Variants in TKFC observed in about 807,000 individuals in gnomAD.
TKFC encodes the protein triokinase/FMN cyclase.
TKFC carries 46 observed loss-of-function variants against 61.0 expected under a neutral mutation model. That is an observed-to-expected ratio of 0.75 (90% CI 0.60 to 0.96). The LOEUF (loss-of-function observed/expected upper bound fraction) is 0.96, where lower values mean the gene tolerates loss of function less well. Among genes scored for constraint, TKFC ranks in the 50% least tolerant of loss-of-function variants. The pLI is 0.00. For synonymous variants in TKFC, 314 were observed against 330.1 expected, an observed-to-expected ratio of 0.95 and a Z score of 0.53; for missense variants, 715 against 777.5, an observed-to-expected ratio of 0.92 and a Z score of 0.96.
At chr11:61,350,794 G>T, downstream of TKFC, 1 of 710,906 alleles carries the variant, frequency 1.4e-6, no homozygotes, top group Non-Finnish European at 2.2e-6. Context: ...ACAGACTGGG[G>T]AGTCCCAGCA....
intron 6 of TKFC, 30 bp downstream of exon 6, chr11:61,341,544 G>C (rs1385561782): frequency 5.2e-6 from 8 of 1,552,312 alleles, no homozygotes; most frequent in Admixed American, 3.9e-5. Context: ...CTGGGGAAGA[G>C]AGTGGGGAAG....
chr11:61,345,856 G>A lies in TKFC; in HGVS notation c.1486-1G>A. 1.2e-6 allele frequency: 2 copies of A among 1,614,170 alleles called. No individual in the cohort carries two copies. The highest frequency in any genetic ancestry group is 2.2e-5 in the South Asian group (2 of 91,084). On this transcript the variant is annotated splice_acceptor_variant, in intron 16 of 17. Coordinates refer to ENST00000394900, the MANE Select transcript of TKFC (RefSeq NM_015533.4). LOFTEE classifies it high-confidence loss of function. The stretch of plus-strand genomic sequence containing the variant: ...AGCCCCCTTTCCTTCACCTTGTCCA[G>A]CTGGATTCTCTGTGGGCAGCGGGGC...
chr11:61,345,627 G>C, intron 15 of TKFC, 62 bp downstream of exon 15: 1 of 1,612,466 alleles, frequency 6.2e-7, no homozygotes. Flanking sequence ...GGTGACATCT[G>C]CGCCCTGCCA....
intron 5 of TKFC, among the ~76,000 whole-genome samples, chr11:61,341,005 G>A (rs189406444): frequency 2.6e-5 from 4 of 152,094 alleles, no homozygotes; most frequent in Admixed American, 6.6e-5. Context: ...CTGTGACTTA[G>A]TCGCCTTTTT....
chr11:61,347,490 A>G lies in TKFC; in HGVS notation c.*987A>G. 1 of 983,964 alleles carries G rather than the reference A, an allele frequency of 1.0e-6. No individual in the cohort carries two copies. The allele number at this position is 983,964 out of a possible 1,614,324, so 61.0% of individuals were successfully genotyped here. A position where few individuals can be genotyped will look rare whatever the true frequency, so the allele number is the denominator to read the frequency against. ...GGAGGTCGAGGCTGCGGTGAGCCAT[A>G]AGCATGCCACTATACTCCAGCCTGG... On this transcript the variant is annotated 3_prime_UTR_variant, in exon 18 of 18. Coordinates refer to ENST00000394900, the MANE Select transcript of TKFC (RefSeq NM_015533.4).
chr11:61,343,276 T>C, intron 10 of TKFC, 66 bp from the exon 11 acceptor site: 1 of 1,467,982 alleles, frequency 6.8e-7, no homozygotes, highest in South Asian at 1.2e-5. Flanking sequence ...GGTCCTTGCT[T>C]TTCTGTTGTT....
Position 61,343,454 on chromosome 11 carries a change from G to C in TKFC, c.978G>C (p.Leu326=). The C allele has an allele frequency of 6.2e-7, 1 of 1,613,854 alleles. No homozygotes were observed. Among genetic ancestry groups the C allele is most frequent in the Non-Finnish European group, 8.5e-7 (1 of 1,179,752 alleles). Residue 326 remains leucine (L), a synonymous_variant, in exon 11 of 18, where the codon CTG becomes CTC. Coordinates refer to ENST00000394900, the MANE Select transcript of TKFC (RefSeq NM_015533.4). ...LLLVDEPLLK[L]IDAETTAAAW... ...TGGTGGATGAGCCTCTCCTGAAACT[G>C]ATAGGTGAGACTTGGAACCTGGGGT...
At chr11:61,351,158 CA>C (rs780988629), downstream of TKFC, 1 of 1,605,114 alleles carries the variant, frequency 6.2e-7, no homozygotes, top group Non-Finnish European at 8.5e-7. Context: ...CTGAAGATGA[CA>C]AAACAATGTG....
chr11:61,345,213 A>T (rs755707415), intron 13 of TKFC, 47 bp from the exon 14 acceptor site: 2 of 1,464,534 alleles, frequency 1.4e-6, no homozygotes, highest in East Asian at 2.3e-5. Context: ...AGTCTGGCAG[A>T]TGGAGGGAGG....
downstream of TKFC, chr11:61,352,827 A>G (rs150158970): frequency 1.6e-3 from 2,284 of 1,461,878 alleles, 6 homozygotes; most frequent in Admixed American, 2.7e-3. Context: ...ACCAATTTCA[A>G]CCTAAAGAAA....
Position 61,347,003 on chromosome 11 carries a change from A to G in TKFC, c.*500A>G, listed in dbSNP as rs750388934. On this transcript the variant is annotated 3_prime_UTR_variant, in exon 18 of 18. Coordinates refer to ENST00000394900, the MANE Select transcript of TKFC (RefSeq NM_015533.4). ...GCCCTGGCTGCAGGCATCATGACCC[A>G]TCTTCTACCAGGCAGATCTTTATTA... 1.4e-4 allele frequency: 139 copies of G among 986,466 alleles called. No homozygotes were observed. The highest frequency in any genetic ancestry group is 5.2e-4 in the Middle Eastern group (1 of 1,934). The allele number at this position is 986,466 out of a possible 1,614,324, so 61.1% of individuals were successfully genotyped here.
chr11:61,346,663 T>A lies in TKFC; in HGVS notation c.*160T>A. 2.1e-6 allele frequency: 3 copies of A among 1,442,570 alleles called. No individual in the cohort carries two copies. Among genetic ancestry groups the A allele is most frequent in the Non-Finnish European group, 2.7e-6 (3 of 1,102,086 alleles). 89.4% of individuals were successfully genotyped at this position (1,442,570 alleles called of 1,614,324 possible). A position where few individuals can be genotyped will look rare whatever the true frequency, so the allele number is the denominator to read the frequency against. The stretch of plus-strand genomic sequence containing the variant: ...AAATCCTCCACCAAGCTTCCAGAAC[T>A]ACAGACAGCACCCAGAGTGAGCTGG... On this transcript the variant is annotated 3_prime_UTR_variant, in exon 18 of 18. Transcript: ENST00000394900. The surrounding 1 kb of genome is among the most constrained non-coding windows in gnomAD (Gnocchi z 4.1).
At chr11:61,352,783 A>G, downstream of TKFC, 2 of 1,431,860 alleles carry the variant, frequency 1.4e-6, no homozygotes, top group Non-Finnish European at 9.1e-7. Context: ...CAGGTGCTAA[A>G]TCAAACTGAT....
Position 61,346,397 on chromosome 11 carries a change from C to A in TKFC, c.1622C>A (p.Ala541Asp), listed in dbSNP as rs1294308190. The A allele has an allele frequency of 6.2e-7, 1 of 1,612,618 alleles. No individual in the cohort carries two copies. Among genetic ancestry groups the A allele is most frequent in the Non-Finnish European group, 8.5e-7 (1 of 1,179,968 alleles). ...GCCACCAAGAATATGGAAGCTGGAG[C>A]CGGAAGAGCCAGTTATATCAGCTCA... ...AEATKNMEAG[A>D]GRASYISSAR... The change falls in exon 18 of 18, where the codon GCC (alanine) becomes GAC (aspartate). Residue 541 changes from alanine to aspartate, a missense_variant. Ala to Asp is a moderately radical substitution (Grantham distance 126). Transcript: ENST00000394900. This position sits in a 1 kb window ranked among gnomAD's most constrained non-coding sequence, Gnocchi z 4.1.
In TKFC at chr11:61,345,547, G is replaced by A. The variant is rs1283330181; in HGVS notation, c.1433G>A (p.Gly478Asp). 6.2e-7 allele frequency: 1 copy of A among 1,613,042 alleles called. No individual in the cohort carries two copies. ...LPAWSAAMDA[G>D]LEAMQKYGKA... is the part of the protein sequence containing the mutation. Reference sequence around the variant, plus strand: ...GCCTGGTCTGCTGCCATGGATGCCGGCCTGGAAGCCATGCAGAAGTGAGCC... The same window carrying A: ...GCCTGGTCTGCTGCCATGGATGCCGACCTGGAAGCCATGCAGAAGTGAGCC... The change falls in exon 15 of 18, where the codon GGC (glycine) becomes GAC (aspartate). Residue 478 changes from glycine (G) to aspartate (D), a missense_variant. By Grantham distance (94) the Gly-to-Asp change is moderately conservative. Coordinates refer to ENST00000394900, the MANE Select transcript of TKFC (RefSeq NM_015533.4).
At position 61,343,441 on chromosome 11, in the gene TKFC, C is replaced by T; in HGVS notation, c.965C>T (p.Pro322Leu). 1 of 1,614,140 alleles carries T rather than the reference C, an allele frequency of 6.2e-7. No individual in the cohort carries two copies. The highest frequency in any genetic ancestry group is 8.5e-7 in the Non-Finnish European group (1 of 1,179,978). The part of the protein sequence containing the change: ...ISLTLLLVDE[P>L]LLKLIDAETT... ...CTCACCCTCCTGCTGGTGGATGAGC[C>T]TCTCCTGAAACTGATAGGTGAGACT... The change falls in exon 11 of 18, where the codon CCT (proline) becomes CTT (leucine). Residue 322 changes from proline to leucine, a missense_variant. Transcript: ENST00000394900.
At chr11:61,349,680 A>G (rs1268412038), downstream of TKFC, 1 of 702,444 alleles carries the variant, frequency 1.4e-6, no homozygotes, top group African/African-American at 1.7e-5. Context: ...CAATACATGC[A>G]GACACAGAGC....
At chr11:61,349,435 T>C (rs1302879366), downstream of TKFC, 12 of 660,006 alleles carry the variant, frequency 1.8e-5, 1 homozygote, top group South Asian at 3.3e-5. Flanking sequence ...AGGCCAGACC[T>C]GCCCAGCGGG....
intron 5 of TKFC, 42 bp downstream of exon 5, chr11:61,339,477 C>T (rs1454993517): frequency 1.5e-5 from 23 of 1,560,584 alleles, no homozygotes; most frequent in Non-Finnish European, 2.0e-5. Context: ...CAGCCCTTTC[C>T]AGCCTTCCCT....
Sources: gnomAD v4.1 joint callset for allele counts (sites outside exome capture counted in the v4.1 genomes callset) on GRCh38, gnomAD v4.1.1 for gene constraint, Gnocchi (gnomAD v3.1) non-coding constraint, MANE v1.5 for transcripts, NCBI Gene and HGNC (gene_info 2026-07-23, HGNC 2026-07-21) for gene names.